PLEKHA8: variants seen among roughly 807,000 people sequenced by gnomAD.
PLEKHA8 encodes pleckstrin homology domain containing A8.
A neutral mutation model predicts 68.2 loss-of-function variants in PLEKHA8; 36 were observed. The observed-to-expected ratio is 0.53, with a 90% CI of 0.40 to 0.70. The LOEUF (loss-of-function observed/expected upper bound fraction) is 0.70, where lower values mean the gene tolerates loss of function less well. Among genes scored for constraint, PLEKHA8 ranks in the 30% least tolerant of loss-of-function variants. The pLI is 0.00. For synonymous variants in PLEKHA8, 211 were observed against 216.1 expected (o/e 0.98, Z 0.20); for missense variants, 505 against 615.4 (o/e 0.82, Z 1.90).
chr7:30,045,265 C>G, intron 2 of PLEKHA8, 64 bp downstream of exon 2: 1 of 1,187,812 alleles, frequency 8.4e-7, no homozygotes. Context: ...AACAAAAAAG[C>G]CCCTGGCCCC....
At chr7:30,116,003 C>G (rs925745166) in intron 13 of PLEKHA8, 1 of 145,464 alleles carries the variant, frequency 6.9e-6, no homozygotes, top group African/African-American at 2.5e-5. Flanking sequence ...CGCATACATA[C>G]GCATACATAC....
At position 30,115,830 on chromosome 7, in the gene PLEKHA8, A is replaced by C. The variant is rs1412588163; in HGVS notation, c.1363-13436A>C. The C allele has an allele frequency of 2.1e-5, 3 of 142,896 alleles. 1 individual carries two copies. Among genetic ancestry groups the C allele is most frequent in the Non-Finnish European group, 4.7e-5 (3 of 63,696 alleles). The allele number at this position is 142,896 out of a possible 1,614,324, so 8.9% of individuals were successfully genotyped here. On this transcript the variant is annotated intron_variant, in intron 13 of 13. Transcript: ENST00000396257. Reference sequence around the variant, plus strand: ...CACGCATGCATGTATACATGCGTGCACATACATGTATACACGTATGCATAC... The same window carrying C: ...CACGCATGCATGTATACATGCGTGCCCATACATGTATACACGTATGCATAC...
intron 13 of PLEKHA8, among the ~76,000 whole-genome samples, chr7:30,109,542 C>T (rs1165364045): frequency 1.6e-5 from 2 of 127,576 alleles, no homozygotes; most frequent in Non-Finnish European, 3.1e-5. Flanking sequence ...CAGCCAAGAT[C>T]GCGCCATTGC....
At chr7:30,100,487 G>A (rs1325675163) in intron 13 of PLEKHA8, among the ~76,000 whole-genome samples, 1 of 148,286 alleles carries the variant, frequency 6.7e-6, no homozygotes, top group Non-Finnish European at 1.5e-5. Context: ...AGGAGGTGGA[G>A]GTTGCAGGGA....
chr7:30,032,006 A>G (rs1267165085), intron 1 of PLEKHA8, among the ~76,000 whole-genome samples: 1 of 152,212 alleles, frequency 6.6e-6, no homozygotes, highest in Non-Finnish European at 1.5e-5. Flanking sequence ...TTTCGTTTAC[A>G]GTCTGGTTTC....
downstream of PLEKHA8, chr7:30,090,750 ATTGTTTC>A (rs1795383529): frequency 6.7e-6 from 4 of 598,522 alleles, no homozygotes; most frequent in South Asian, 7.5e-5. Flanking sequence ...AGAAATACGT[ATTGTTTC>A]AGTTCACTTT....
chr7:30,075,821 T>A (rs771790270), intron 13 of PLEKHA8, among the ~76,000 whole-genome samples: 1 of 152,180 alleles, frequency 6.6e-6, no homozygotes, highest in Non-Finnish European at 1.5e-5. Context: ...AGAAAACTTA[T>A]CAGCATAAAT....
At chr7:30,042,266 C>G (rs1343958418) in intron 1 of PLEKHA8, among the ~76,000 whole-genome samples, 1 of 152,164 alleles carries the variant, frequency 6.6e-6, no homozygotes, top group Non-Finnish European at 1.5e-5. Context: ...GTCACATGAG[C>G]TAGTTACTTA....
intron 4 of PLEKHA8, 122 bp downstream of exon 4, chr7:30,048,078 AC>A: frequency 1.9e-6 from 1 of 538,030 alleles, no homozygotes; most frequent in Non-Finnish European, 2.6e-6. Flanking sequence ...CCTAAAAAGC[AC>A]CAGACGTTGC....
At chr7:30,045,226 T>C in intron 2 of PLEKHA8, 25 bp downstream of exon 2, 2 of 1,538,130 alleles carry the variant, frequency 1.3e-6, no homozygotes, top group Non-Finnish European at 1.8e-6. Flanking sequence ...AACTTGCAAG[T>C]TTTATTTTTC....
intron 6 of PLEKHA8, 120 bp downstream of exon 6, chr7:30,050,594 G>A: frequency 7.8e-7 from 1 of 1,283,978 alleles, no homozygotes; most frequent in Admixed American, 3.1e-5. Flanking sequence ...AAATAATATG[G>A]AAGTAAACAA....
rs550117509 is a variant in PLEKHA8, at chr7:30,057,550, C to T, written c.1039+2208C>T. ...TTGGCTCACTGCAACCTCCACCTCC[C>T]GGGTTCAAGTGATTCTCCTGCCCCA... On this transcript the variant is annotated intron_variant, in intron 9 of 13. Coordinates refer to ENST00000449726, the MANE Select transcript of PLEKHA8 (RefSeq NM_001197026.2). Among the ~76,000 whole-genome samples, 9 of 151,968 alleles carry T rather than the reference C, an allele frequency of 5.9e-5. No homozygotes were observed. In the South Asian group the frequency reaches 6.2e-4, roughly 11 times the overall value.
intron 7 of PLEKHA8, among the ~76,000 whole-genome samples, chr7:30,053,429 A>C (rs1468292232): frequency 1.3e-5 from 2 of 152,232 alleles, no homozygotes; most frequent in African/African-American, 4.8e-5. Flanking sequence ...ATAAGAACTT[A>C]ATAATTTGAA....
chr7:30,101,623 G>A (rs1795857717), intron 13 of PLEKHA8, among the ~76,000 whole-genome samples: 1 of 152,126 alleles, frequency 6.6e-6, no homozygotes, highest in Non-Finnish European at 1.5e-5. Context: ...CACCTTAGGC[G>A]CTAGGATTTC....
At chr7:30,128,091 A>ATTTTT (rs35173428) in intron 13 of PLEKHA8, among the ~76,000 whole-genome samples, 2 of 122,720 alleles carry the variant, frequency 1.6e-5, no homozygotes, top group African/African-American at 3.1e-5. Flanking sequence ...GTTTTACTGT[A>ATTTTT]TTTTTTTTTT....
intron 10 of PLEKHA8, among the ~76,000 whole-genome samples, chr7:30,061,297 A>G (rs1793417299): frequency 6.6e-6 from 1 of 152,228 alleles, no homozygotes; most frequent in South Asian, 2.1e-4. Context: ...GATAGGTTAT[A>G]TAGTGAAAAT....
intron 12 of PLEKHA8, among the ~76,000 whole-genome samples, chr7:30,065,181 C>T (rs1008176875): frequency 6.6e-6 from 1 of 152,202 alleles, no homozygotes; most frequent in Non-Finnish European, 1.5e-5. Context: ...GCAATAATCA[C>T]AGCCAGTCTC....
Position 30,081,623 on chromosome 7 carries a change from ACT to A in PLEKHA8, c.*2839_*2840del, listed in dbSNP as rs1487250222. ...CATTACTGTGAGAGGAGGTGAGAAA[ACT>A]CTAGTATTTTGTTGGCAGAGTAATC... On this transcript the variant is annotated 3_prime_UTR_variant, in exon 14 of 14. Coordinates refer to ENST00000449726, the MANE Select transcript of PLEKHA8 (RefSeq NM_001197026.2). The A allele has an allele frequency of 6.0e-5, 59 of 985,094 alleles. No homozygotes were observed. The highest frequency in any genetic ancestry group is 1.0e-4 in the African/African-American group (6 of 57,264). 61.0% of individuals were successfully genotyped at this position (985,094 alleles called of 1,614,324 possible).
Position 30,079,264 on chromosome 7 carries a change from C to T in PLEKHA8, c.*477C>T, listed in dbSNP as rs1583444018. 7 of 989,782 alleles carry T rather than the reference C, an allele frequency of 7.1e-6. No individual in the cohort carries two copies. The South Asian group carries it at 3.2e-4, about 46-fold the overall frequency. 61.3% of individuals were successfully genotyped at this position (989,782 alleles called of 1,614,324 possible). ...GTAGAGTTTGCTGTTCCTAGATGTT[C>T]TTCAGTGGACCCTCTTCACTGCAAC... On this transcript the variant is annotated 3_prime_UTR_variant, in exon 14 of 14. Coordinates refer to ENST00000449726, the MANE Select transcript of PLEKHA8 (RefSeq NM_001197026.2).
Sources: gnomAD v4.1 joint callset for allele counts (sites outside exome capture counted in the v4.1 genomes callset) on GRCh38, gnomAD v4.1.1 for gene constraint, MANE v1.5 for transcripts, NCBI Gene and HGNC (gene_info 2026-07-23, HGNC 2026-07-21) for gene names.